Variants in EPM2A observed in about 807,000 individuals in gnomAD.
EPM2A encodes EPM2A glucan phosphatase, laforin.
In EPM2A, 21 loss-of-function variants were observed where a neutral mutation model predicts 26.5. That is an observed-to-expected ratio of 0.79 (90% CI 0.56 to 1.14). The LOEUF (loss-of-function observed/expected upper bound fraction) is 1.14. EPM2A is among the 50% of genes most tolerant of loss of function. EPM2A has a pLI of 0.00. For missense variants in EPM2A, 458 were observed against 440.8 expected (o/e 1.04, Z -0.35); for synonymous variants, 217 against 177.6 (o/e 1.22, Z -1.76).
rs544137519 is a variant in EPM2A, at chr6:145,467,795, G to A, written c.555+34727C>T. ...TTCAAAGAGTGTTACACTGTTTTTC[G>A]TAACAGTCTTTCAGATCTTTTGTTA... On this transcript the variant is annotated intron_variant, in intron 4 of 4. Coordinates refer to the EPM2A transcript ENST00000638717. Among the ~76,000 whole-genome samples, 37 of 151,950 alleles carry A rather than the reference G, an allele frequency of 2.4e-4. No homozygotes were observed. In the South Asian group the frequency reaches 4.4e-3, roughly 18 times the overall value.
At chr6:145,555,193 A>G (rs1337655356) in intron 2 of EPM2A, among the ~76,000 whole-genome samples, 4 of 152,056 alleles carry the variant, frequency 2.6e-5, no homozygotes, top group Non-Finnish European at 4.4e-5. Flanking sequence ...CACAGTGTCT[A>G]CAAGAAAGAC....
At chr6:145,579,305 C>A (rs185512027) in intron 2 of EPM2A, among the ~76,000 whole-genome samples, 31 of 152,274 alleles carry the variant, frequency 2.0e-4, no homozygotes, top group Admixed American at 1.8e-3. Flanking sequence ...TCTGGAAACG[C>A]CCTCACAGAC....
intron 2 of EPM2A, among the ~76,000 whole-genome samples, chr6:145,510,710 T>A (rs2114762479): frequency 6.6e-6 from 1 of 151,588 alleles, no homozygotes. Context: ...AACAAAAAAA[T>A]AAAACCAAAA....
chr6:145,604,522 A>C (rs1453347272), intron 2 of EPM2A, among the ~76,000 whole-genome samples: 1 of 152,178 alleles, frequency 6.6e-6, no homozygotes, highest in Non-Finnish European at 1.5e-5. Context: ...TGGAAAATCC[A>C]ACCCAGACAC....
In EPM2A at chr6:145,627,534, TGCA is replaced by T; in HGVS notation, c.875_877del (p.Val292_Gln293delinsGlu). The T allele has an allele frequency of 6.2e-7, 1 of 1,614,228 alleles. No homozygotes were observed. Among genetic ancestry groups the T allele is most frequent in the East Asian group, 2.2e-5 (1 of 44,880 alleles). ...CGGCCTCTTGGCCATGAGGAAATAC[TGCA>T]CCTTCCTCAGATTCCAGCCCATCAC... On this transcript the variant is annotated inframe_deletion, in exon 4 of 4. Transcript: ENST00000367519.
intron 4 of EPM2A, among the ~76,000 whole-genome samples, chr6:145,496,468 A>C (rs1445452833): frequency 6.6e-6 from 1 of 152,180 alleles, no homozygotes; most frequent in Admixed American, 6.5e-5. Context: ...TACACCAATC[A>C]GTTGTAGATT....
chr6:145,440,882 T>C (rs759589828), intron 4 of EPM2A, among the ~76,000 whole-genome samples: 6 of 152,208 alleles, frequency 3.9e-5, no homozygotes, highest in Non-Finnish European at 8.8e-5. Flanking sequence ...GCATTGAATG[T>C]ATGCAGCTTT....
At chr6:145,556,395 G>C (rs1780728551) in intron 2 of EPM2A, among the ~76,000 whole-genome samples, 1 of 152,086 alleles carries the variant, frequency 6.6e-6, no homozygotes, top group Non-Finnish European at 1.5e-5. Flanking sequence ...ACTTGACCTT[G>C]ATGTGATAGA....
At chr6:145,664,003 T>G (rs1159659223) in intron 2 of EPM2A, among the ~76,000 whole-genome samples, 1 of 79,868 alleles carries the variant, frequency 1.3e-5, no homozygotes, top group Non-Finnish European at 2.4e-5. Flanking sequence ...CTAAAAGAGC[T>G]CCTGAAGGAA....
In EPM2A at chr6:145,417,578, A is replaced by G. The variant is rs987314748; in HGVS notation, c.556-33481T>C. 2.6e-5 allele frequency among the ~76,000 whole-genome samples: 4 copies of G among 152,170 alleles called. No homozygotes were observed. The East Asian group carries it at 5.8e-4, about 22-fold the overall frequency. On this transcript the variant is annotated intron_variant, in intron 4 of 4. Coordinates refer to the EPM2A transcript ENST00000638717. The stretch of plus-strand genomic sequence containing the variant: ...GATGAAATTTCTAGCTGAAGCTCCA[A>G]TATAATTTGACTCTAGGTATAACTC...
chr6:145,660,783 C>G (rs1300525663), intron 2 of EPM2A, among the ~76,000 whole-genome samples: 1 of 152,142 alleles, frequency 6.6e-6, no homozygotes, highest in East Asian at 1.9e-4. Context: ...GCCTGGGAGA[C>G]AGCAAGACTC....
downstream of EPM2A, among the ~76,000 whole-genome samples, chr6:145,621,325 G>A (rs1775627967): frequency 6.6e-6 from 1 of 152,096 alleles, no homozygotes; most frequent in African/African-American, 2.4e-5. Flanking sequence ...CCACCACATT[G>A]TCTTTATTCA....
At chr6:145,618,404 T>A (rs1366054291) in intron 2 of EPM2A, among the ~76,000 whole-genome samples, 1 of 152,220 alleles carries the variant, frequency 6.6e-6, no homozygotes, top group African/African-American at 2.4e-5. Flanking sequence ...AAGACCCTCA[T>A]ATGTCTGATA....
intron 4 of EPM2A, among the ~76,000 whole-genome samples, chr6:145,394,886 T>C (rs1229800182): frequency 6.6e-6 from 1 of 152,180 alleles, no homozygotes; most frequent in Non-Finnish European, 1.5e-5. Flanking sequence ...ATGAGTCGAC[T>C]TATAGGATAT....
At chr6:145,419,180 TCC>T (rs1362241033) in intron 4 of EPM2A, among the ~76,000 whole-genome samples, 10 of 29,258 alleles carry the variant, frequency 3.4e-4, no homozygotes, top group African/African-American at 1.2e-3. Flanking sequence ...CTGTTAAATG[TCC>T]CCCCCCCCCG....
chr6:145,623,934 A>T (rs956327647), downstream of EPM2A, among the ~76,000 whole-genome samples: 3 of 152,236 alleles, frequency 2.0e-5, no homozygotes, highest in Non-Finnish European at 4.4e-5. Flanking sequence ...GGTCCTGAGC[A>T]GCTGCAAGTG....
chr6:145,712,131 G>A (rs1305983234), intron 1 of EPM2A, among the ~76,000 whole-genome samples: 8 of 152,092 alleles, frequency 5.3e-5, no homozygotes, highest in Non-Finnish European at 1.5e-5. Flanking sequence ...TGAAGACAAA[G>A]CCCCAATGAA....
intron 1 of EPM2A, among the ~76,000 whole-genome samples, chr6:145,694,419 A>G (rs1781460064): frequency 6.6e-6 from 1 of 151,980 alleles, no homozygotes; most frequent in Admixed American, 6.6e-5. Flanking sequence ...TGTTCAACCA[A>G]CTGCCTCTTT....
chr6:145,539,142 C>G (rs967744489), intron 2 of EPM2A, among the ~76,000 whole-genome samples: 1 of 152,186 alleles, frequency 6.6e-6, no homozygotes, highest in African/African-American at 2.4e-5. Context: ...AAACACAGAT[C>G]ACATCATGCC....
Sources: gnomAD v4.1 joint callset for allele counts (sites outside exome capture counted in the v4.1 genomes callset) on GRCh38, gnomAD v4.1.1 for gene constraint, MANE v1.5 for transcripts, NCBI Gene and HGNC (gene_info 2026-07-23, HGNC 2026-07-21) for gene names.